The following ATP8A2 variants were observed in gnomAD, a reference collection of about 807,000 sequenced individuals.
ATP8A2 encodes the protein ATPase phospholipid transporting 8A2, also known as phospholipid-transporting ATPase IB.
Under a neutral mutation model 165.6 loss-of-function variants are expected in ATP8A2, and 100 were observed. The observed-to-expected ratio is 0.60, with a 90% CI of 0.51 to 0.71. The LOEUF (loss-of-function observed/expected upper bound fraction) is 0.71, where lower values mean the gene tolerates loss of function less well. Ranked by LOEUF, ATP8A2 falls within the 30% of genes least tolerant of loss-of-function variation. ATP8A2 has a pLI of 0.00. For missense variants in ATP8A2, 1,227 were observed against 1,479.5 expected (o/e 0.83, Z 2.80); for synonymous variants, 543 against 548.8 (o/e 0.99, Z 0.15).
chr13:25,723,925 G>A (rs550877788), intron 25 of ATP8A2, among the ~76,000 whole-genome samples: 3 of 152,346 alleles, frequency 2.0e-5, no homozygotes, highest in African/African-American at 7.2e-5. Flanking sequence ...TCAAATAGGA[G>A]TAGGATTTGA....
rs541055417 is a variant in ATP8A2, at chr13:25,494,875, G to A, written c.221+25754G>A. Among the ~76,000 whole-genome samples, 27 of 152,298 alleles carry A rather than the reference G, an allele frequency of 1.8e-4. 1 individual carries two copies. The South Asian group carries it at 2.9e-3, about 16-fold the overall frequency. ...TCACACAGACCTAGGGGTCCAGCCCGGAGCTTTGCAATGTCCTTCTAGTTC... is the reference window on the plus strand; with the variant it reads ...TCACACAGACCTAGGGGTCCAGCCCAGAGCTTTGCAATGTCCTTCTAGTTC... On this transcript the variant is annotated intron_variant, in intron 2 of 36. Coordinates refer to ENST00000381655, the MANE Select transcript of ATP8A2 (RefSeq NM_016529.6).
At chr13:25,809,909 G>A (rs893938253) in intron 27 of ATP8A2, among the ~76,000 whole-genome samples, 2 of 152,052 alleles carry the variant, frequency 1.3e-5, no homozygotes, top group African/African-American at 2.4e-5. Flanking sequence ...CTGGGGCATC[G>A]GAGAAGACAT....
intron 30 of ATP8A2, among the ~76,000 whole-genome samples, chr13:25,857,490 G>A (rs540226551): frequency 9.9e-5 from 15 of 151,020 alleles, no homozygotes; most frequent in African/African-American, 1.5e-4. Flanking sequence ...TCCTCCCACC[G>A]CAAGCCTCCC....
chr13:25,763,180 T>C (rs1478699166), intron 25 of ATP8A2, among the ~76,000 whole-genome samples: 3 of 152,116 alleles, frequency 2.0e-5, no homozygotes, highest in African/African-American at 7.2e-5. Context: ...AACAATGGGG[T>C]GCACGTAGTC....
At chr13:25,513,740 C>T (rs1211861448) in intron 2 of ATP8A2, among the ~76,000 whole-genome samples, 2 of 152,148 alleles carry the variant, frequency 1.3e-5, no homozygotes, top group African/African-American at 4.8e-5. Flanking sequence ...GGATCACTCG[C>T]GGTTAGGAGC....
At chr13:25,414,571 G>A (rs2034078979) in intron 1 of ATP8A2, among the ~76,000 whole-genome samples, 1 of 152,128 alleles carries the variant, frequency 6.6e-6, no homozygotes, top group South Asian at 2.1e-4. Flanking sequence ...GATTAAGTTG[G>A]CTGTTCTCAA....
rs1043908096 is a variant in ATP8A2 at position 25,581,780 on chromosome 13, A to G, written c.2008-39A>G. 1.9e-6 allele frequency: 3 copies of G among 1,595,296 alleles called. No individual in the cohort carries two copies. The African/African-American group carries it at 4.0e-5, about 21-fold the overall frequency. ...GAATTTGTTAGTGCTGTTCTTAAGT[A>G]TGTGCCAATCTTTAACTGAGGATAT... On this transcript the variant is annotated intron_variant, in intron 22 of 36. Transcript: ENST00000381655.
At chr13:25,836,371 C>T (rs978762657) in intron 28 of ATP8A2, among the ~76,000 whole-genome samples, 2 of 152,182 alleles carry the variant, frequency 1.3e-5, no homozygotes, top group African/African-American at 4.8e-5. Flanking sequence ...ATGCTGATGT[C>T]TCAGAGCTTT....
At position 25,937,942 on chromosome 13, in the gene ATP8A2, T is replaced by A. The variant is rs953913944; in HGVS notation, c.3184-23633T>A. ...TATATATCAAATATTATTTATATAT[T>A]AATCCAGCTTTAAGATGGGAAAATG... On this transcript the variant is annotated intron_variant, in intron 33 of 36. Coordinates refer to ENST00000381655, the MANE Select transcript of ATP8A2 (RefSeq NM_016529.6). Among the ~76,000 whole-genome samples, 3 of 151,498 alleles carry A rather than the reference T, an allele frequency of 2.0e-5. No homozygotes were observed. In the East Asian group the frequency reaches 5.8e-4, roughly 29 times the overall value.
intron 1 of ATP8A2, among the ~76,000 whole-genome samples, chr13:25,459,968 G>A (rs1024875670): frequency 2.0e-5 from 3 of 152,144 alleles, no homozygotes; most frequent in South Asian, 4.1e-4. Flanking sequence ...TTGGGAGGCC[G>A]AGGTGGGCGG....
chr13:25,984,391 G>C (rs1956231567), intron 35 of ATP8A2, among the ~76,000 whole-genome samples: 1 of 151,906 alleles, frequency 6.6e-6, no homozygotes, highest in Non-Finnish European at 1.5e-5. Flanking sequence ...ATCGCTTGAG[G>C]TCAGGAGTTC....
At chr13:25,396,709 A>G (rs140752389) in intron 1 of ATP8A2, among the ~76,000 whole-genome samples, 35 of 152,256 alleles carry the variant, frequency 2.3e-4, no homozygotes, top group Non-Finnish European at 4.7e-4. Context: ...TCATGTTTTT[A>G]ACACTGACTC....
intron 30 of ATP8A2, among the ~76,000 whole-genome samples, chr13:25,840,723 C>T (rs778727951): frequency 6.6e-6 from 1 of 152,018 alleles, no homozygotes; most frequent in Non-Finnish European, 1.5e-5. Context: ...AGAGTGTATA[C>T]GTATAAGAGT....
chr13:25,546,328 C>T (rs2038648200), intron 10 of ATP8A2, among the ~76,000 whole-genome samples: 1 of 152,004 alleles, frequency 6.6e-6, no homozygotes, highest in South Asian at 2.1e-4. Flanking sequence ...ATGGAAAACC[C>T]CAGAAACATC....
At chr13:25,792,957 G>A (rs1267905984) in intron 27 of ATP8A2, among the ~76,000 whole-genome samples, 2 of 149,530 alleles carry the variant, frequency 1.3e-5, no homozygotes, top group African/African-American at 2.5e-5. Context: ...AAGGAAAGAA[G>A]GAAGGAAGGA....
At chr13:25,825,937 G>A (rs1951302754) in intron 27 of ATP8A2, among the ~76,000 whole-genome samples, 1 of 152,058 alleles carries the variant, frequency 6.6e-6, no homozygotes, top group African/African-American at 2.4e-5. Context: ...GAATGGTGAT[G>A]ACAGAGGATG....
intron 22 of ATP8A2, among the ~76,000 whole-genome samples, chr13:25,580,168 T>C (rs921073010): frequency 6.6e-6 from 1 of 152,228 alleles, no homozygotes; most frequent in Non-Finnish European, 1.5e-5. Flanking sequence ...TAATGATAGC[T>C]TAAGAAATAT....
At chr13:25,895,880 T>C (rs1953528300) in intron 33 of ATP8A2, among the ~76,000 whole-genome samples, 1 of 152,164 alleles carries the variant, frequency 6.6e-6, no homozygotes, top group African/African-American at 2.4e-5. Context: ...GGTGGTGATA[T>C]CCCCTTTGTC....
intron 28 of ATP8A2, among the ~76,000 whole-genome samples, chr13:25,830,307 T>C (rs996541481): frequency 6.6e-6 from 1 of 152,062 alleles, no homozygotes; most frequent in Non-Finnish European, 1.5e-5. Flanking sequence ...GCCGCAAACT[T>C]TTCTAGTTAT....
Sources: gnomAD v4.1 joint callset for allele counts (sites outside exome capture counted in the v4.1 genomes callset) on GRCh38, gnomAD v4.1.1 for gene constraint, MANE v1.5 for transcripts, NCBI Gene and HGNC (gene_info 2026-07-23, HGNC 2026-07-21) for gene names.